Variants in DCAF5 observed in about 807,000 individuals in gnomAD.
The protein encoded by DCAF5 is DDB1 and CUL4 associated factor 5.
Under a neutral mutation model 80.7 loss-of-function variants are expected in DCAF5, and 9 were observed. That is an observed-to-expected ratio of 0.11 (90% CI 0.07 to 0.19). The LOEUF is 0.19. DCAF5 is among the 10% of genes least tolerant of loss of function. The probability of loss-of-function intolerance (pLI) is 1.00; values close to 1 mark genes in which losing one functional copy is unlikely to be tolerated. For synonymous variants in DCAF5, 433 were observed against 461.9 expected (o/e 0.94, Z 0.80); for missense variants, 842 against 1,205.7 (o/e 0.70, Z 4.47).
In DCAF5 at chr14:69,152,646, G is replaced by T. The variant is rs1370426008; in HGVS notation, c.214+119C>A. 2.9e-6 allele frequency: 2 copies of T among 699,328 alleles called. No homozygotes were observed. The highest frequency in any genetic ancestry group is 5.5e-5 in the Admixed American group (2 of 36,680). 43.3% of individuals were successfully genotyped at this position (699,328 alleles called of 1,614,324 possible). On this transcript the variant is annotated intron_variant, in intron 1 of 8. Transcript: ENST00000341516. The surrounding 1 kb of genome is among the most constrained non-coding windows in gnomAD (Gnocchi z 4.1). The stretch of plus-strand genomic sequence containing the variant: ...GACACCAAACCTTCCCACCGCAGAA[G>T]GGGGTAGAGAAAGGGAGGGGGTGGG...
At chr14:69,131,417 G>C (rs762297198) in intron 1 of DCAF5, among the ~76,000 whole-genome samples, 8 of 151,936 alleles carry the variant, frequency 5.3e-5, no homozygotes, top group Non-Finnish European at 1.2e-4. Context: ...GCGCATTACA[G>C]AGGCACAGTC....
intron 5 of DCAF5, among the ~76,000 whole-genome samples, chr14:69,115,207 C>A (rs2140052085): frequency 6.6e-6 from 1 of 152,318 alleles, no homozygotes; most frequent in Admixed American, 6.5e-5. Context: ...CCACTACACA[C>A]ATTTCAATAG....
intron 6 of DCAF5, among the ~76,000 whole-genome samples, chr14:69,080,517 G>A (rs1225878047): frequency 6.6e-6 from 1 of 152,182 alleles, no homozygotes; most frequent in East Asian, 1.9e-4. Flanking sequence ...ACCTCAAGTA[G>A]TGAAATTGGA....
rs2041749409 is a variant in DCAF5, at chr14:69,152,750, A to C, written c.214+15T>G. ...GGTGCGGGGAGGCGCGGGGAGGGGAAGGGGGTTGATTTACCTGAGACCAGC... is the reference window on the plus strand; with the variant it reads ...GGTGCGGGGAGGCGCGGGGAGGGGACGGGGGTTGATTTACCTGAGACCAGC... On this transcript the variant is annotated intron_variant, in intron 1 of 8. Transcript: ENST00000341516. This position sits in a 1 kb window ranked among gnomAD's most constrained non-coding sequence, Gnocchi z 4.1. 1 of 1,606,384 alleles carries C rather than the reference A, an allele frequency of 6.2e-7. No homozygotes were observed. The highest frequency in any genetic ancestry group is 8.5e-7 in the Non-Finnish European group (1 of 1,175,836).
intron 1 of DCAF5, chr14:69,143,835 C>T (rs971022148): frequency 3.9e-5 from 6 of 152,326 alleles, no homozygotes; most frequent in South Asian, 2.1e-4. Flanking sequence ...CCTAGAATTA[C>T]GTTTCACATC....
chr14:69,063,703 A>G (rs1238663186), intron 7 of DCAF5, among the ~76,000 whole-genome samples: 11 of 152,184 alleles, frequency 7.2e-5, no homozygotes, highest in Admixed American at 7.2e-4. Flanking sequence ...CAGAAATAAT[A>G]TGGCTCTAGG....
At chr14:69,146,937 A>G (rs1303442167) in intron 1 of DCAF5, among the ~76,000 whole-genome samples, 2 of 152,250 alleles carry the variant, frequency 1.3e-5, no homozygotes, top group East Asian at 3.8e-4. Flanking sequence ...TTCTCCTGAT[A>G]AGTAACTACC....
intron 5 of DCAF5, among the ~76,000 whole-genome samples, chr14:69,102,388 T>C (rs1349345498): frequency 6.6e-6 from 1 of 152,132 alleles, no homozygotes; most frequent in Non-Finnish European, 1.5e-5. Flanking sequence ...ATTACGGGCA[T>C]GAGCCACCGC....
intron 1 of DCAF5, among the ~76,000 whole-genome samples, chr14:69,147,522 A>C (rs1380216814): frequency 1.3e-5 from 2 of 152,172 alleles, no homozygotes; most frequent in Non-Finnish European, 2.9e-5. Flanking sequence ...TGTCAAAAGC[A>C]ACCCAGGTAC....
At chr14:69,129,038 C>G (rs756043451) in intron 1 of DCAF5, among the ~76,000 whole-genome samples, 2 of 152,136 alleles carry the variant, frequency 1.3e-5, no homozygotes, top group Non-Finnish European at 2.9e-5. Context: ...CCCTCCATTA[C>G]CCAGACAGAA....
At chr14:69,101,776 A>G (rs1011376806) in intron 5 of DCAF5, among the ~76,000 whole-genome samples, 1 of 152,230 alleles carries the variant, frequency 6.6e-6, no homozygotes, top group Non-Finnish European at 1.5e-5. Flanking sequence ...GCATGTTACT[A>G]TATGTTATTA....
rs570674030 is a variant in DCAF5, at chr14:69,100,297, A to C, written c.666-8410T>G. 4.6e-5 allele frequency among the ~76,000 whole-genome samples: 7 copies of C among 152,326 alleles called. No homozygotes were observed. The East Asian group carries it at 9.6e-4, about 21-fold the overall frequency. On this transcript the variant is annotated intron_variant, in intron 5 of 8. Transcript: ENST00000341516. ...CTCACATATACTCCCTCTTTTAAAA[A>C]GGGTCCATGGAAGAAAGCTTTGAGA...
Position 69,118,291 on chromosome 14 carries a change from A to C in DCAF5, c.396-13T>G. 6.2e-7 allele frequency: 1 copy of C among 1,613,354 alleles called. No individual in the cohort carries two copies. The highest frequency in any genetic ancestry group is 8.5e-7 in the Non-Finnish European group (1 of 1,179,546). On this transcript the variant is annotated splice_polypyrimidine_tract_variant and intron_variant, in intron 3 of 8. Transcript: ENST00000341516. This position sits in a 1 kb window ranked among gnomAD's most constrained non-coding sequence, Gnocchi z 4.0. ...CAATGTCTCACTGCTGGGAGATAAGAGAGCAAGACAGAGGCACACACATAC... is the reference window on the plus strand; with the variant it reads ...CAATGTCTCACTGCTGGGAGATAAGCGAGCAAGACAGAGGCACACACATAC...
upstream of DCAF5, chr14:69,153,174 C>T (rs1264657406): frequency 6.1e-5 from 26 of 428,942 alleles, no homozygotes; most frequent in South Asian, 1.3e-3. Flanking sequence ...TCTCCTTCCC[C>T]CCGAGGCTCC....
chr14:69,131,067 T>C (rs1447147245), intron 1 of DCAF5, among the ~76,000 whole-genome samples: 2 of 152,204 alleles, frequency 1.3e-5, no homozygotes, highest in Non-Finnish European at 2.9e-5. Context: ...GTATCATCCA[T>C]GAACTTGTCC....
At chr14:69,098,476 T>G (rs11628126) in intron 5 of DCAF5, among the ~76,000 whole-genome samples, 102,641 of 151,926 alleles carry the variant, frequency 0.68, 35,269 homozygotes, top group East Asian at 0.91. Context: ...TAGATGATTA[T>G]CTTTTACATC....
chr14:69,084,869 G>C, intron 6 of DCAF5: 1 of 1,222,074 alleles, frequency 8.2e-7, no homozygotes, highest in South Asian at 1.2e-5. Context: ...CAACTGGATT[G>C]TTCAGTATGA....
chr14:69,110,247 T>TCCTTGGCTCA (rs1355482407), intron 5 of DCAF5, among the ~76,000 whole-genome samples: 1 of 151,528 alleles, frequency 6.6e-6, no homozygotes, highest in East Asian at 1.9e-4. Flanking sequence ...TTCTGATCTG[T>TCCTTGGCTCA]TCTTGGCTCA....
At chr14:69,102,262 C>T (rs2039979462) in intron 5 of DCAF5, among the ~76,000 whole-genome samples, 1 of 151,890 alleles carries the variant, frequency 6.6e-6, no homozygotes, top group Non-Finnish European at 1.5e-5. Flanking sequence ...GCACACGTCA[C>T]CATGCCCGGC....
Sources: allele counts gnomAD v4.1 joint callset (sites outside exome capture counted in the v4.1 genomes callset), GRCh38; gene constraint gnomAD v4.1.1; non-coding constraint Gnocchi (gnomAD v3.1); transcripts MANE v1.5; gene names NCBI Gene and HGNC (gene_info 2026-07-23, HGNC 2026-07-21).